SESN1: variants seen among roughly 807,000 people sequenced by gnomAD.
The protein encoded by SESN1 is sestrin-1.
Under a neutral mutation model 59.3 loss-of-function variants are expected in SESN1, and 30 were observed. That is an observed-to-expected ratio of 0.51 (90% CI 0.38 to 0.69). The LOEUF (loss-of-function observed/expected upper bound fraction) is 0.69, where lower values mean the gene tolerates loss of function less well. Ranked by LOEUF, SESN1 falls within the 30% of genes least tolerant of loss-of-function variation. The probability of loss-of-function intolerance (pLI) is 0.00; values close to 1 mark genes in which losing one functional copy is unlikely to be tolerated. For missense variants in SESN1, 566 were observed against 673.0 expected (o/e 0.84, Z 1.76); for synonymous variants, 197 against 219.9 (o/e 0.90, Z 0.92).
chr6:109,003,259 T>C (rs1779665045), intron 1 of SESN1, among the ~76,000 whole-genome samples: 1 of 151,286 alleles, frequency 6.6e-6, no homozygotes, highest in African/African-American at 2.4e-5. Context: ...CCTTCACTCA[T>C]ATATATTATA....
chr6:108,993,687 G>C (rs1220054561), intron 6 of SESN1, among the ~76,000 whole-genome samples: 1 of 152,074 alleles, frequency 6.6e-6, no homozygotes, highest in Non-Finnish European at 1.5e-5. Flanking sequence ...GTTAAACATA[G>C]AGGATTTAGG....
At chr6:109,084,417 C>T (rs902559408) in intron 1 of SESN1, among the ~76,000 whole-genome samples, 4 of 151,920 alleles carry the variant, frequency 2.6e-5, no homozygotes, top group Non-Finnish European at 4.4e-5. Flanking sequence ...AGCCGGGCAT[C>T]GTGGCGGGAG....
At chr6:108,995,527 A>T (rs1240091932) in intron 5 of SESN1, among the ~76,000 whole-genome samples, 1 of 152,230 alleles carries the variant, frequency 6.6e-6, no homozygotes, top group Non-Finnish European at 1.5e-5. Context: ...GTTTTGCACT[A>T]GTCAAACTGG....
chr6:109,024,166 A>G lies in SESN1; in HGVS notation c.280-21823T>C, dbSNP rs541971233. Among the ~76,000 whole-genome samples the G allele has an allele frequency of 1.4e-3, 214 of 152,332 alleles. 1 individual carries two copies. The highest frequency in any genetic ancestry group is 4.9e-3 in the African/African-American group (203 of 41,578). ...TGTCACAAAATTTACATACCATAGC[A>G]TATGTACTGTATTCAGTGGAAAACC... On this transcript the variant is annotated intron_variant, in intron 1 of 9. Coordinates refer to ENST00000436639, the MANE Select transcript of SESN1 (RefSeq NM_014454.3).
intron 7 of SESN1, among the ~76,000 whole-genome samples, chr6:108,991,371 TA>T (rs2114265664): frequency 6.6e-6 from 1 of 152,254 alleles, no homozygotes; most frequent in Non-Finnish European, 1.5e-5. Context: ...GCCTCCTGAG[TA>T]ACTGGAACTA....
rs570087815 is a variant in SESN1 at position 109,048,788 on chromosome 6, A to G, written c.279+45007T>C. Among the ~76,000 whole-genome samples the G allele has an allele frequency of 9.6e-4, 146 of 152,288 alleles. 1 individual carries two copies. The highest frequency in any genetic ancestry group is 3.3e-3 in the African/African-American group (137 of 41,536). ...CTGCCTCCCATTCCCCTGATTCTAA[A>G]TTCCAGGAAGATACATCACAATTTA... is the stretch of plus-strand genomic sequence containing the variant. On this transcript the variant is annotated intron_variant, in intron 1 of 9. Transcript: ENST00000436639.
intron 2 of SESN1, 67 bp from the exon 3 acceptor site, chr6:109,001,555 T>C (rs979678952): frequency 1.4e-5 from 19 of 1,314,730 alleles, no homozygotes; most frequent in Admixed American, 7.6e-5. Flanking sequence ...AAAATATACA[T>C]GCGCTACACT....
chr6:108,999,760 G>A (rs778709656), intron 4 of SESN1, among the ~76,000 whole-genome samples: 2 of 152,016 alleles, frequency 1.3e-5, no homozygotes, highest in Non-Finnish European at 2.9e-5. Context: ...TCCACAAATC[G>A]CACACCTAAT....
intron 1 of SESN1, among the ~76,000 whole-genome samples, chr6:109,025,799 T>C: frequency 6.6e-6 from 1 of 151,904 alleles, no homozygotes; most frequent in East Asian, 1.9e-4. Context: ...AAATGAAATT[T>C]ATGAGAGAGA....
chr6:109,036,227 A>G (rs1240277201), intron 1 of SESN1, among the ~76,000 whole-genome samples: 29 of 152,338 alleles, frequency 1.9e-4, no homozygotes, highest in Non-Finnish European at 4.4e-5. Context: ...CTAAAATAGA[A>G]TCTAAATGTC....
intron 1 of SESN1, among the ~76,000 whole-genome samples, chr6:109,045,973 T>C (rs1444999775): frequency 6.6e-6 from 1 of 152,250 alleles, no homozygotes; most frequent in Non-Finnish European, 1.5e-5. Context: ...AAGCGTATTC[T>C]GTCTTTTGCT....
chr6:109,053,046 A>ATGTGTG (rs148045407), intron 1 of SESN1, among the ~76,000 whole-genome samples: 28 of 147,330 alleles, frequency 1.9e-4, no homozygotes, highest in African/African-American at 6.7e-4. Context: ...CAAGACTAGG[A>ATGTGTG]TGTGTGTGTG....
intron 1 of SESN1, among the ~76,000 whole-genome samples, chr6:109,078,579 T>G (rs907258063): frequency 6.6e-6 from 1 of 152,196 alleles, no homozygotes; most frequent in African/African-American, 2.4e-5. Flanking sequence ...TATGATGCAC[T>G]GTCCCACCAA....
rs764776206 is a variant in SESN1, at chr6:108,987,454, G to C, written c.*90C>G. 159 of 616,502 alleles carry C rather than the reference G, an allele frequency of 2.6e-4. No homozygotes were observed. Among genetic ancestry groups the C allele is most frequent in the Non-Finnish European group, 3.4e-4 (122 of 356,030 alleles). The allele number at this position is 616,502 out of a possible 1,614,324, so 38.2% of individuals were successfully genotyped here. A position where few individuals can be genotyped will look rare whatever the true frequency, so the allele number is the denominator to read the frequency against. On this transcript the variant is annotated 3_prime_UTR_variant, in exon 10 of 10. Transcript: ENST00000436639. ...GCACAATGGATTTCTGAATTATTTT[G>C]TCTACCATTGGTCCTGGGGCTTAGT...
At chr6:109,083,178 T>G (rs1781154355) in intron 1 of SESN1, among the ~76,000 whole-genome samples, 1 of 152,116 alleles carries the variant, frequency 6.6e-6, no homozygotes, top group East Asian at 1.9e-4. Context: ...AATTACTAGA[T>G]GAGGAAACTG....
intron 1 of SESN1, among the ~76,000 whole-genome samples, chr6:109,006,356 T>A (rs929931377): frequency 2.0e-5 from 3 of 152,120 alleles, no homozygotes; most frequent in Non-Finnish European, 4.4e-5. Context: ...TGTGCAGGTT[T>A]GTTACATATG....
chr6:109,007,785 C>CTTTTTTTTTT (rs3083610), intron 1 of SESN1, among the ~76,000 whole-genome samples: 1 of 103,352 alleles, frequency 9.7e-6, no homozygotes, highest in Admixed American at 1.0e-4. Flanking sequence ...AGTCCAGGTA[C>CTTTTTTTTTT]TTTTTTTTTT....
chr6:109,017,628 C>T (rs1470989677), intron 1 of SESN1, among the ~76,000 whole-genome samples: 3 of 152,080 alleles, frequency 2.0e-5, no homozygotes, highest in Non-Finnish European at 4.4e-5. Context: ...GCAGAAATCT[C>T]TTAATTCGAG....
At chr6:109,061,424 C>T (rs996255306) in intron 1 of SESN1, among the ~76,000 whole-genome samples, 1 of 152,048 alleles carries the variant, frequency 6.6e-6, no homozygotes, top group Non-Finnish European at 1.5e-5. Context: ...GTATTTTAAA[C>T]AAAAATTAAA....
Sources: allele counts gnomAD v4.1 joint callset (sites outside exome capture counted in the v4.1 genomes callset), GRCh38; gene constraint gnomAD v4.1.1; transcripts MANE v1.5; gene names NCBI Gene and HGNC (gene_info 2026-07-23, HGNC 2026-07-21).